The following FSTL5 variants were observed in gnomAD, a reference collection of about 807,000 sequenced individuals.
FSTL5 encodes the protein follistatin like 5, also known as follistatin-related protein 5.
A neutral mutation model predicts 89.1 loss-of-function variants in FSTL5; 62 were observed. That is an observed-to-expected ratio of 0.70 (90% CI 0.57 to 0.86). FSTL5 has a LOEUF of 0.86. Ranked by LOEUF, FSTL5 falls within the 40% of genes least tolerant of loss-of-function variation. The pLI is 0.00. For missense variants in FSTL5, 1,057 were observed against 1,001.6 expected (o/e 1.06, Z -0.75); for synonymous variants, 383 against 346.2 (o/e 1.11, Z -1.18).
intron 4 of FSTL5, among the ~76,000 whole-genome samples, chr4:161,866,501 T>TGC (rs1188785388): frequency 1.6e-4 from 24 of 150,288 alleles, no homozygotes; most frequent in African/African-American, 5.6e-4. Flanking sequence ...TGTGTGTGTG[T>TGC]GTGTGTGGTT....
At chr4:162,137,002 T>C (rs1732545240) in intron 1 of FSTL5, among the ~76,000 whole-genome samples, 2 of 152,148 alleles carry the variant, frequency 1.3e-5, no homozygotes, top group East Asian at 3.9e-4. Context: ...TATAAATATA[T>C]GCAGGCAACC....
chr4:161,604,441 G>C (rs1175404085), intron 7 of FSTL5, among the ~76,000 whole-genome samples: 2 of 152,122 alleles, frequency 1.3e-5, no homozygotes, highest in Non-Finnish European at 2.9e-5. Context: ...ATAATGGAAA[G>C]TTATATACTA....
chr4:161,832,090 C>T (rs540653187), intron 4 of FSTL5, among the ~76,000 whole-genome samples: 93 of 152,072 alleles, frequency 6.1e-4, no homozygotes, highest in African/African-American at 2.2e-3. Flanking sequence ...TATAAAGAAA[C>T]CACTTTCCTA....
chr4:161,557,279 G>A (rs2126565674), intron 8 of FSTL5, among the ~76,000 whole-genome samples: 1 of 150,796 alleles, frequency 6.6e-6, no homozygotes, highest in Admixed American at 6.6e-5. Context: ...AAATATTTCT[G>A]CACCTTTACA....
chr4:161,566,099 A>AATATATAT (rs1560956518), intron 8 of FSTL5, among the ~76,000 whole-genome samples: 41 of 24,624 alleles, frequency 1.7e-3, no homozygotes, highest in African/African-American at 4.3e-3. Flanking sequence ...TTTTTTTTGG[A>AATATATAT]CTATATATAT....
chr4:161,736,212 T>C (rs1315573688), intron 6 of FSTL5, among the ~76,000 whole-genome samples: 1 of 152,172 alleles, frequency 6.6e-6, no homozygotes. Context: ...ATTACCAAAA[T>C]GAAAGCTCAA....
At chr4:161,509,008 T>C (rs777872382) in intron 11 of FSTL5, among the ~76,000 whole-genome samples, 1 of 152,144 alleles carries the variant, frequency 6.6e-6, no homozygotes, top group Non-Finnish European at 1.5e-5. Flanking sequence ...GAGAAGACAA[T>C]ATAATGAAAT....
At chr4:161,750,921 G>T (rs1167969085) in intron 6 of FSTL5, among the ~76,000 whole-genome samples, 1 of 152,014 alleles carries the variant, frequency 6.6e-6, no homozygotes, top group African/African-American at 2.4e-5. Flanking sequence ...ATTACACTTA[G>T]AGTCAGAAAA....
intron 4 of FSTL5, among the ~76,000 whole-genome samples, chr4:161,870,828 T>C (rs1352284418): frequency 6.6e-6 from 1 of 152,148 alleles, no homozygotes; most frequent in Admixed American, 6.5e-5. Flanking sequence ...GACAGCTGGA[T>C]ACTAATCAAG....
At chr4:161,764,899 C>T (rs1034086579) in intron 5 of FSTL5, among the ~76,000 whole-genome samples, 4 of 152,160 alleles carry the variant, frequency 2.6e-5, no homozygotes, top group Admixed American at 1.3e-4. Flanking sequence ...TTACGAACAG[C>T]GCTTAAAAAA....
At chr4:161,651,331 GAA>G (rs11325739) in intron 7 of FSTL5, among the ~76,000 whole-genome samples, 146 of 121,634 alleles carry the variant, frequency 1.2e-3, no homozygotes, top group African/African-American at 2.3e-3. Flanking sequence ...TCCTTGAATT[GAA>G]AAAAAAAAAA....
At chr4:161,788,859 C>CATGTGGAG (rs1703399716) in intron 4 of FSTL5, among the ~76,000 whole-genome samples, 1 of 152,186 alleles carries the variant, frequency 6.6e-6, no homozygotes, top group African/African-American at 2.4e-5. Flanking sequence ...GATTGTGCTA[C>CATGTGGAG]TGCACTCCAG....
intron 15 of FSTL5, among the ~76,000 whole-genome samples, chr4:161,441,311 C>A (rs1401670200): frequency 6.6e-6 from 1 of 151,276 alleles, no homozygotes; most frequent in African/African-American, 2.5e-5. Flanking sequence ...ATGAACAAGA[C>A]TTCTTGAGCT....
chr4:161,564,048 T>G (rs1445333280), intron 8 of FSTL5, among the ~76,000 whole-genome samples: 1 of 151,858 alleles, frequency 6.6e-6, no homozygotes, highest in East Asian at 1.9e-4. Context: ...ACATTGAAAT[T>G]TATTGTCTAG....
intron 4 of FSTL5, among the ~76,000 whole-genome samples, chr4:161,782,558 G>C (rs1054153298): frequency 6.6e-6 from 1 of 152,098 alleles, no homozygotes; most frequent in Non-Finnish European, 1.5e-5. Context: ...CAGAAAATTT[G>C]AATTGGTTTA....
chr4:161,733,584 GAAAGAAA>G (rs1739690101), intron 6 of FSTL5, among the ~76,000 whole-genome samples: 1 of 151,972 alleles, frequency 6.6e-6, no homozygotes, highest in African/African-American at 2.4e-5. Flanking sequence ...CTCAGTCGTA[GAAAGAAA>G]GTATCGAGTT....
intron 7 of FSTL5, among the ~76,000 whole-genome samples, chr4:161,588,997 G>GTTT (rs879331171): frequency 2.7e-4 from 35 of 130,962 alleles, no homozygotes; most frequent in East Asian, 9.2e-4. Context: ...TATCCCTAAT[G>GTTT]TTTTTTTTTT....
At chr4:162,109,609 C>T (rs1319526694) in intron 2 of FSTL5, among the ~76,000 whole-genome samples, 1 of 152,014 alleles carries the variant, frequency 6.6e-6, no homozygotes, top group African/African-American at 2.4e-5. Context: ...AACCTCAACA[C>T]ATAAGTTTTT....
chr4:161,933,347 T>C (rs551088916), intron 3 of FSTL5, among the ~76,000 whole-genome samples: 2 of 152,204 alleles, frequency 1.3e-5, no homozygotes, highest in African/African-American at 4.8e-5. Flanking sequence ...TTCTGGCTCA[T>C]GTTGAGGTTG....
Sources: gnomAD v4.1 joint callset for allele counts (sites outside exome capture counted in the v4.1 genomes callset) on GRCh38, gnomAD v4.1.1 for gene constraint, MANE v1.5 for transcripts, NCBI Gene and HGNC (gene_info 2026-07-23, HGNC 2026-07-21) for gene names.